RAP1GAP2: variants seen among roughly 807,000 people sequenced by gnomAD.
The protein encoded by RAP1GAP2 is RAP1 GTPase activating protein 2, also known as rap1 GTPase-activating protein 2.
A neutral mutation model predicts 95.0 loss-of-function variants in RAP1GAP2; 27 were observed. That is an observed-to-expected ratio of 0.28 (90% CI 0.21 to 0.39). The LOEUF is 0.39. Ranked by LOEUF, RAP1GAP2 falls within the 10% of genes least tolerant of loss-of-function variation. RAP1GAP2 has a pLI of 1.00. For missense variants in RAP1GAP2, 771 were observed against 970.0 expected (o/e 0.79, Z 2.72); for synonymous variants, 373 against 380.9 (o/e 0.98, Z 0.24).
intron 2 of RAP1GAP2, among the ~76,000 whole-genome samples, chr17:2,822,617 G>GTTTTTTT (rs1212676493): frequency 5.9e-5 from 7 of 117,740 alleles, no homozygotes; most frequent in Non-Finnish European, 1.2e-4. Flanking sequence ...ATAAAACCCT[G>GTTTTTTT]TTTTTTTTTG....
At chr17:2,776,823 C>CGGA (rs372983882), upstream of RAP1GAP2, among the ~76,000 whole-genome samples, 21,566 of 143,830 alleles carry the variant, frequency 0.15, 1,612 homozygotes, top group East Asian at 0.19. Context: ...CCCGCCGCCC[C>CGGA]GGAGGAGGAG....
rs188785037 is a variant in RAP1GAP2, at chr17:2,965,989, C to T, written c.596+346C>T. On this transcript the variant is annotated intron_variant, in intron 8 of 24. Transcript: ENST00000254695. This position sits in a 1 kb window ranked among gnomAD's most constrained non-coding sequence, Gnocchi z 4.7. Reference sequence around the variant, plus strand: ...TGACTCATCCTGCTGAGACACAGCTCCGAGTCCTGGGAGAGGGTTCGCCAG... The same window carrying T: ...TGACTCATCCTGCTGAGACACAGCTTCGAGTCCTGGGAGAGGGTTCGCCAG... 3.0e-4 allele frequency: 79 copies of T among 265,046 alleles called. No individual in the cohort carries two copies. Among genetic ancestry groups the T allele is most frequent in the South Asian group, 1.9e-3 (30 of 16,046 alleles). 16.4% of individuals were successfully genotyped at this position (265,046 alleles called of 1,614,324 possible). A position where few individuals can be genotyped will look rare whatever the true frequency, so the allele number is the denominator to read the frequency against.
chr17:2,971,238 A>C (rs1209349941), intron 8 of RAP1GAP2, among the ~76,000 whole-genome samples: 1 of 152,248 alleles, frequency 6.6e-6, no homozygotes, highest in Non-Finnish European at 1.5e-5. Flanking sequence ...CAAAATAATG[A>C]TTTAAAAAAA....
At chr17:2,980,506 C>G (rs940889497) in intron 9 of RAP1GAP2, 141 bp downstream of exon 9, 1 of 794,660 alleles carries the variant, frequency 1.3e-6, no homozygotes. Context: ...ATTGACTGCA[C>G]TGATAGGGGT....
In RAP1GAP2 at chr17:2,961,543, C is replaced by A. The variant is rs1200447468; in HGVS notation, c.202-1127C>A. ...AACAAAAACAAACAAACAAACAAAACTGTTGGACAGGGCACTGCTCCCCAG... is the reference window on the plus strand; with the variant it reads ...AACAAAAACAAACAAACAAACAAAAATGTTGGACAGGGCACTGCTCCCCAG... On this transcript the variant is annotated intron_variant, in intron 4 of 24. Coordinates refer to ENST00000254695, the MANE Select transcript of RAP1GAP2 (RefSeq NM_015085.5). 3.9e-5 allele frequency among the ~76,000 whole-genome samples: 6 copies of A among 152,044 alleles called. No individual in the cohort carries two copies. In the East Asian group the frequency reaches 7.7e-4, roughly 20 times the overall value.
intron 14 of RAP1GAP2, among the ~76,000 whole-genome samples, chr17:3,002,906 G>T (rs1001372487): frequency 6.6e-6 from 1 of 152,272 alleles, no homozygotes; most frequent in Middle Eastern, 3.4e-3. Flanking sequence ...GGGTGTGTGT[G>T]TGTGTGGTGG....
At chr17:2,799,140 C>G (rs891670903) in intron 1 of RAP1GAP2, among the ~76,000 whole-genome samples, 1 of 152,218 alleles carries the variant, frequency 6.6e-6, no homozygotes, top group East Asian at 1.9e-4. Context: ...CTGGGTTGCA[C>G]GCGTTACAGC....
At chr17:2,806,424 G>A (rs957652111) in intron 2 of RAP1GAP2, among the ~76,000 whole-genome samples, 4 of 123,090 alleles carry the variant, frequency 3.2e-5, no homozygotes, top group East Asian at 3.1e-4. Context: ...AGGGAGTCTC[G>A]CTCTGTCGCC....
intron 2 of RAP1GAP2, among the ~76,000 whole-genome samples, chr17:2,844,346 T>C (rs1409765086): frequency 6.6e-6 from 1 of 152,138 alleles, no homozygotes; most frequent in Non-Finnish European, 1.5e-5. Context: ...GAAGCTGCTT[T>C]GGGACTTGGA....
intron 1 of RAP1GAP2, among the ~76,000 whole-genome samples, chr17:2,781,699 T>TGCACGTCTCTGTGTGA (rs1567643674): frequency 1.8e-5 from 2 of 113,908 alleles, no homozygotes; most frequent in African/African-American, 3.6e-5. Context: ...TCTCTGTGTG[T>TGCACGTCTCTGTGTGA]GCACGTCTCT....
chr17:3,020,753 C>T (rs1056373322), intron 19 of RAP1GAP2, among the ~76,000 whole-genome samples, 158 bp downstream of exon 19: 1 of 152,236 alleles, frequency 6.6e-6, no homozygotes, highest in Non-Finnish European at 1.5e-5. Context: ...CTGTCACTCA[C>T]TCAGCTCTTT....
intron 2 of RAP1GAP2, among the ~76,000 whole-genome samples, chr17:2,842,000 A>T (rs1326405918): frequency 1.3e-5 from 2 of 152,184 alleles, no homozygotes; most frequent in Non-Finnish European, 2.9e-5. Context: ...TGCAAGCCTC[A>T]ACCCTCTCTA....
chr17:2,848,891 C>T (rs2151587692), intron 2 of RAP1GAP2, among the ~76,000 whole-genome samples: 1 of 152,260 alleles, frequency 6.6e-6, no homozygotes, highest in African/African-American at 2.4e-5. Context: ...CGACGCCTTC[C>T]TGCCTCCCTC....
At chr17:2,953,796 G>A (rs1373200521) in intron 3 of RAP1GAP2, among the ~76,000 whole-genome samples, 2 of 152,140 alleles carry the variant, frequency 1.3e-5, no homozygotes, top group Non-Finnish European at 2.9e-5. Flanking sequence ...GCAGTGAGCT[G>A]ACATCGCGCC....
At position 2,871,449 on chromosome 17, in the gene RAP1GAP2, A is replaced by C. The variant is rs1368780118; in HGVS notation, c.81-33835A>C. ...GGAGAGTCAGGGGCGCACTCTGGTC[A>C]GAGTGGTGTTGTGTTACAAGAGTCC... On this transcript the variant is annotated intron_variant, in intron 2 of 24. Transcript: ENST00000254695. This position sits in a 1 kb window ranked among gnomAD's most constrained non-coding sequence, Gnocchi z 5.0. 6.6e-6 allele frequency among the ~76,000 whole-genome samples: 1 copy of C among 152,170 alleles called. No individual in the cohort carries two copies. The highest frequency in any genetic ancestry group is 1.5e-5 in the Non-Finnish European group (1 of 68,028).
intron 2 of RAP1GAP2, among the ~76,000 whole-genome samples, chr17:2,868,148 G>C (rs1000748990): frequency 2.6e-5 from 4 of 152,116 alleles, no homozygotes; most frequent in African/African-American, 9.7e-5. Context: ...CTCCACCCCA[G>C]CAGGTCCGGA....
At chr17:2,764,765 T>C (rs894172880) in intron 1 of RAP1GAP2, among the ~76,000 whole-genome samples, 2 of 152,016 alleles carry the variant, frequency 1.3e-5, no homozygotes, top group Non-Finnish European at 2.9e-5. Flanking sequence ...AGAGTGAGAT[T>C]CCATCTCAAA....
chr17:2,970,476 G>A (rs1184077359), intron 8 of RAP1GAP2, among the ~76,000 whole-genome samples: 5 of 152,210 alleles, frequency 3.3e-5, no homozygotes, highest in African/African-American at 1.2e-4. Flanking sequence ...ATTGCCCTCT[G>A]TAGGGGCTGT....
rs58160165 is a variant in RAP1GAP2, at chr17:2,828,984, C to CT, written c.80+28453dup. On this transcript the variant is annotated intron_variant, in intron 2 of 24. Coordinates refer to ENST00000254695, the MANE Select transcript of RAP1GAP2 (RefSeq NM_015085.5). Reference sequence around the variant, plus strand: ...TCCTGTCTCAAAGATTAATTACTTGCTTTTTTTTTTTTTTTTTTTGGGAAA... The same window carrying CT: ...TCCTGTCTCAAAGATTAATTACTTGCTTTTTTTTTTTTTTTTTTTTGGGAAA... Among the ~76,000 whole-genome samples, 211 of 80,830 alleles carry CT rather than the reference C, an allele frequency of 2.6e-3. 5 individuals are homozygous for CT. The highest frequency in any genetic ancestry group is 0.014 in the Middle Eastern group (1 of 70). 53.0% of individuals were successfully genotyped at this position (80,830 alleles called of 152,430 possible). A position where few individuals can be genotyped will look rare whatever the true frequency, so the allele number is the denominator to read the frequency against.
Sources: allele counts gnomAD v4.1 joint callset (sites outside exome capture counted in the v4.1 genomes callset), GRCh38; gene constraint gnomAD v4.1.1; non-coding constraint Gnocchi (gnomAD v3.1); transcripts MANE v1.5; gene names NCBI Gene and HGNC (gene_info 2026-07-23, HGNC 2026-07-21).